THSD7B: variants seen among roughly 807,000 people sequenced by gnomAD.
THSD7B encodes thrombospondin type-1 domain-containing protein 7B.
THSD7B carries 138 observed loss-of-function variants against 213.6 expected under a neutral mutation model. That is an observed-to-expected ratio of 0.65 (90% CI 0.56 to 0.74). The LOEUF (loss-of-function observed/expected upper bound fraction) is 0.74. Among genes scored for constraint, THSD7B ranks in the 30% least tolerant of loss-of-function variants. The pLI, the probability that THSD7B is intolerant of heterozygous loss-of-function variation, is 0.00. For synonymous variants in THSD7B, 742 were observed against 687.0 expected, an observed-to-expected ratio of 1.08 and a Z score of -1.25; for missense variants, 1,931 against 1,991.5, an observed-to-expected ratio of 0.97 and a Z score of 0.58.
Position 137,232,935 on chromosome 2 carries a change from A to G in THSD7B, c.1952A>G (p.Glu651Gly). The change falls in exon 9 of 28, where the codon GAG becomes GGG. Residue 651 changes from glutamate (E) to glycine (G), a missense_variant. Transcript: ENST00000409968. The part of the protein sequence containing the change: ...KPCPPSQALQ[E>G]HRLCNDHSCM... Reference sequence around the variant, plus strand: ...TGTCCCCCTAGTCAGGCTCTCCAAGAGCATCGTTTGTGTAATGACCATTCC... The same window carrying G: ...TGTCCCCCTAGTCAGGCTCTCCAAGGGCATCGTTTGTGTAATGACCATTCC... 1 of 1,613,934 alleles carries G rather than the reference A, an allele frequency of 6.2e-7. No individual in the cohort carries two copies. The highest frequency in any genetic ancestry group is 8.5e-7 in the Non-Finnish European group (1 of 1,179,828).
At chr2:137,270,081 A>G (rs1218486698) in intron 10 of THSD7B, among the ~76,000 whole-genome samples, 5 of 152,226 alleles carry the variant, frequency 3.3e-5, no homozygotes, top group Admixed American at 2.6e-4. Flanking sequence ...TAGTGGAATG[A>G]AAGAAAAGTA....
intron 2 of THSD7B, among the ~76,000 whole-genome samples, chr2:136,887,335 G>T (rs1053206816): frequency 9.1e-5 from 9 of 98,586 alleles, no homozygotes; most frequent in Admixed American, 6.5e-4. Context: ...TGTGTGACAG[G>T]CTTTTAAAAT....
At position 136,970,456 on chromosome 2, in the gene THSD7B, C is replaced by G. The variant is rs530987498; in HGVS notation, c.140-85964C>G. Among the ~76,000 whole-genome samples the G allele has an allele frequency of 4.1e-5, 5 of 121,558 alleles. No homozygotes were observed. The South Asian group carries it at 1.4e-3, about 35-fold the overall frequency. 79.7% of individuals were successfully genotyped at this position (121,558 alleles called of 152,430 possible). ...ACTCAGCCAGGGAGACAGAGTGAGT[C>G]TGTCTCAAAAAAACAAACAAACAAA... On this transcript the variant is annotated intron_variant, in intron 2 of 27. Coordinates refer to ENST00000409968, the MANE Select transcript of THSD7B (RefSeq NM_001316349.2).
At chr2:137,114,735 T>C (rs1316978005) in intron 4 of THSD7B, among the ~76,000 whole-genome samples, 3 of 152,296 alleles carry the variant, frequency 2.0e-5, no homozygotes, top group Non-Finnish European at 4.4e-5. Context: ...AAAGCCAACT[T>C]TCACACAAAG....
chr2:137,002,999 C>T (rs1218750985), intron 2 of THSD7B, among the ~76,000 whole-genome samples: 1 of 151,988 alleles, frequency 6.6e-6, no homozygotes, highest in Non-Finnish European at 1.5e-5. Context: ...ATAAATTAAC[C>T]CTGCATATAC....
chr2:137,575,113 G>A lies in THSD7B; in HGVS notation c.3423+2557G>A, dbSNP rs1396347588. On this transcript the variant is annotated intron_variant, in intron 17 of 27. Coordinates refer to ENST00000409968, the MANE Select transcript of THSD7B (RefSeq NM_001316349.2). Reference sequence around the variant, plus strand: ...GCTGAACATGTATTTAAGTGTGGTTGCAGCAAGTTATTTAAACATCTGAGT... The same window carrying A: ...GCTGAACATGTATTTAAGTGTGGTTACAGCAAGTTATTTAAACATCTGAGT... Among the ~76,000 whole-genome samples the A allele has an allele frequency of 2.0e-5, 3 of 152,052 alleles. No homozygotes were observed. The East Asian group carries it at 5.8e-4, about 29-fold the overall frequency.
chr2:136,802,637 GTTTATATATATA>G (rs1365244568), intron 1 of THSD7B, among the ~76,000 whole-genome samples: 15 of 39,024 alleles, frequency 3.8e-4, no homozygotes, highest in African/African-American at 1.1e-3. Context: ...TATGAATTAA[GTTTATATATATA>G]TATATATATA....
intron 2 of THSD7B, among the ~76,000 whole-genome samples, chr2:136,936,200 G>A (rs895964115): frequency 2.0e-5 from 3 of 151,938 alleles, no homozygotes; most frequent in African/African-American, 4.8e-5. Flanking sequence ...GGTGAAAAGC[G>A]AACATTTCTA....
intron 12 of THSD7B, among the ~76,000 whole-genome samples, chr2:137,368,650 A>G (rs961013513): frequency 2.0e-5 from 3 of 152,136 alleles, no homozygotes; most frequent in African/African-American, 7.2e-5. Flanking sequence ...CAACCAAGAG[A>G]ATTTTACTTG....
intron 17 of THSD7B, among the ~76,000 whole-genome samples, chr2:137,606,943 T>C (rs966958575): frequency 6.6e-6 from 1 of 152,084 alleles, no homozygotes; most frequent in Non-Finnish European, 1.5e-5. Context: ...TAAATATGAA[T>C]AAGGCTTGCT....
At chr2:137,389,402 A>ATTTTTTTTTTTTTTTTTTTTTT (rs70978214) in intron 12 of THSD7B, among the ~76,000 whole-genome samples, 3 of 38,078 alleles carry the variant, frequency 7.9e-5, no homozygotes, top group Non-Finnish European at 8.8e-5. Flanking sequence ...TCTTAATGTG[A>ATTTTTTTTTTTTTTTTTTTTTT]TTTTTTTTTT....
intron 15 of THSD7B, among the ~76,000 whole-genome samples, chr2:137,522,734 CA>C: frequency 6.6e-6 from 1 of 152,272 alleles, no homozygotes; most frequent in Non-Finnish European, 1.5e-5. Flanking sequence ...TAAATGAGAA[CA>C]AAGCAGATTT....
intron 7 of THSD7B, among the ~76,000 whole-genome samples, chr2:137,228,540 C>T (rs1558966035): frequency 1.3e-5 from 2 of 152,118 alleles, no homozygotes; most frequent in Non-Finnish European, 2.9e-5. Flanking sequence ...AATAACTCCT[C>T]CAAGATAGTC....
At chr2:137,044,326 C>G (rs1036230799) in intron 2 of THSD7B, among the ~76,000 whole-genome samples, 2 of 152,136 alleles carry the variant, frequency 1.3e-5, no homozygotes, top group African/African-American at 4.8e-5. Context: ...TAAAATTAGT[C>G]TCTTTGTAAG....
intron 15 of THSD7B, among the ~76,000 whole-genome samples, chr2:137,475,238 A>G (rs1042492786): frequency 2.0e-5 from 3 of 152,196 alleles, no homozygotes; most frequent in Admixed American, 1.3e-4. Flanking sequence ...TATGGGTTAC[A>G]TATAACACAT....
At chr2:137,672,828 G>C (rs1683606906) in intron 27 of THSD7B, among the ~76,000 whole-genome samples, 1 of 152,102 alleles carries the variant, frequency 6.6e-6, no homozygotes, top group Non-Finnish European at 1.5e-5. Context: ...ACTAGCCTTT[G>C]AACATCTACC....
At chr2:137,513,864 G>C (rs1168483163) in intron 15 of THSD7B, among the ~76,000 whole-genome samples, 1 of 152,164 alleles carries the variant, frequency 6.6e-6, no homozygotes, top group Admixed American at 6.5e-5. Context: ...TATCCAGAGG[G>C]TCTGAGAGGA....
chr2:136,847,166 C>A (rs1272813551), intron 1 of THSD7B, among the ~76,000 whole-genome samples: 1 of 152,084 alleles, frequency 6.6e-6, no homozygotes, highest in Non-Finnish European at 1.5e-5. Context: ...AGCCTTCTAC[C>A]CCACTTAGAG....
intron 4 of THSD7B, among the ~76,000 whole-genome samples, chr2:137,103,083 C>T (rs1466136711): frequency 2.0e-5 from 3 of 152,036 alleles, no homozygotes; most frequent in Admixed American, 6.5e-5. Flanking sequence ...GACACAAAAT[C>T]GTCGGATTCA....
Sources: gnomAD v4.1 joint callset for allele counts (sites outside exome capture counted in the v4.1 genomes callset) on GRCh38, gnomAD v4.1.1 for gene constraint, MANE v1.5 for transcripts, NCBI Gene and HGNC (gene_info 2026-07-23, HGNC 2026-07-21) for gene names.